Variants in SMC4 observed in about 807,000 individuals in gnomAD.
SMC4 encodes structural maintenance of chromosomes 4, also known as structural maintenance of chromosomes protein 4.
A neutral mutation model predicts 145.6 loss-of-function variants in SMC4; 87 were observed. The observed-to-expected ratio is 0.60, with a 90% CI of 0.50 to 0.71. The LOEUF is 0.71. SMC4 is among the 30% of genes least tolerant of loss of function. The probability of loss-of-function intolerance (pLI) is 0.00; values close to 1 mark genes in which losing one functional copy is unlikely to be tolerated. For missense variants in SMC4, 1,447 were observed against 1,537.1 expected, an observed-to-expected ratio of 0.94 and a Z score of 0.98; for synonymous variants, 558 against 500.7, an observed-to-expected ratio of 1.11 and a Z score of -1.53.
chr3:160,402,971 C>T (rs894405199), intron 4 of SMC4, 104 bp downstream of exon 4: 8 of 769,836 alleles, frequency 1.0e-5, no homozygotes, highest in Non-Finnish European at 1.6e-5. Flanking sequence ...GTAATTACAG[C>T]GGAAAGCATT....
chr3:160,415,445 T>C (rs62272237), intron 9 of SMC4, among the ~76,000 whole-genome samples: 6,949 of 152,322 alleles, frequency 0.046, 226 homozygotes, highest in Middle Eastern at 0.078. Flanking sequence ...TAAACAGATA[T>C]GATACCTTAA....
At chr3:160,433,368 A>G (rs566850043) in intron 23 of SMC4, 159 bp downstream of exon 23, 1 of 563,600 alleles carries the variant, frequency 1.8e-6, no homozygotes, top group East Asian at 3.0e-5. Flanking sequence ...ATTATTTTTT[A>G]TTTGAACCAA....
intron 11 of SMC4, 77 bp downstream of exon 11, chr3:160,418,033 G>T (rs1410253544): frequency 8.8e-7 from 1 of 1,140,670 alleles, no homozygotes. Context: ...TTTAATCTCC[G>T]CGTCAGAGGT....
chr3:160,399,703 T>C lies in SMC4; in HGVS notation c.-52T>C, dbSNP rs961785872. 1 of 152,542 alleles carries C rather than the reference T, an allele frequency of 6.6e-6. No homozygotes were observed. Among genetic ancestry groups the C allele is most frequent in the African/African-American group, 2.4e-5 (1 of 41,412 alleles). 9.4% of individuals were successfully genotyped at this position (152,542 alleles called of 1,614,324 possible). A position where few individuals can be genotyped will look rare whatever the true frequency, so the allele number is the denominator to read the frequency against. On this transcript the variant is annotated 5_prime_UTR_variant, in exon 1 of 24. Transcript: ENST00000357388. ...ACACCGGTAGGAGCGGGGAGGTGGG[T>C]ACTACACAACCGTCTCCAGCCTTGG...
intron 5 of SMC4, chr3:160,404,794 A>G (rs1715138145): frequency 1.8e-6 from 1 of 571,174 alleles, no homozygotes; most frequent in Admixed American, 1.9e-5. Flanking sequence ...TATATATTAA[A>G]CACCAATATT....
chr3:160,404,580 C>T (rs1037827415), intron 5 of SMC4, 76 bp downstream of exon 5: 3 of 1,445,984 alleles, frequency 2.1e-6, no homozygotes, highest in Admixed American at 1.7e-5. Context: ...TGGATGAATC[C>T]TACATTTTTG....
At chr3:160,418,925 ACCC>A (rs1345621176) in intron 11 of SMC4, among the ~76,000 whole-genome samples, 1 of 151,600 alleles carries the variant, frequency 6.6e-6, no homozygotes, top group African/African-American at 2.4e-5. Context: ...TTTCTCCAGT[ACCC>A]CCCAGCCCCG....
Position 160,419,529 on chromosome 3 carries a change from A to G in SMC4, c.1843A>G (p.Ile615Val), listed in dbSNP as rs61996334. 1,912 of 1,597,902 alleles carry G rather than the reference A, an allele frequency of 1.2e-3. 20 individuals carry two copies. The African/African-American group carries it at 0.022, about 19-fold the overall frequency. Residue 615 changes from isoleucine to valine, a missense_variant, in exon 12 of 24, where the codon ATA (isoleucine) becomes GTA (valine). Ile to Val is a conservative substitution (Grantham distance 29). Transcript: ENST00000357388. ...AAAAAAATCTGGCAGGATTCCAGGA[A>G]TATATGGAAGATTGGTAAAGTAGAT... The part of the protein sequence containing the change: ...QEKKSGRIPG[I>V]YGRLGDLGAI...
At position 160,400,804 on chromosome 3, in the gene SMC4, G is replaced by A; in HGVS notation, c.-5-18G>A. 1.3e-6 allele frequency: 2 copies of A among 1,503,974 alleles called. No individual in the cohort carries two copies. Among genetic ancestry groups the A allele is most frequent in the Non-Finnish European group, 1.8e-6 (2 of 1,136,550 alleles). The allele number at this position is 1,503,974 out of a possible 1,614,324, so 93.2% of individuals were successfully genotyped here. ...CGGCCCGCGGGCTGACTTGCTCCCG[G>A]CTGTCCCCCGGCCCCAGCGACCATG... is the stretch of plus-strand genomic sequence containing the variant. On this transcript the variant is annotated intron_variant, in intron 1 of 23. Coordinates refer to ENST00000357388, the MANE Select transcript of SMC4 (RefSeq NM_001002800.3).
In SMC4 at chr3:160,426,018, CAAT is replaced by C. The variant is rs1717751558; in HGVS notation, c.2479-55_2479-53del. On this transcript the variant is annotated intron_variant, in intron 16 of 23. Transcript: ENST00000357388. ...TTTAAGTGCCCTTTTTAAAAATTCACAATGTTTAAAGCAAATGTTAAAATATTG... is the reference window on the plus strand; with the variant it reads ...TTTAAGTGCCCTTTTTAAAAATTCACGTTTAAAGCAAATGTTAAAATATTG... 1.2e-5 allele frequency: 17 copies of C among 1,366,980 alleles called. No homozygotes were observed. In the South Asian group the frequency reaches 2.3e-4, roughly 19 times the overall value. 84.7% of individuals were successfully genotyped at this position (1,366,980 alleles called of 1,614,324 possible). A position where few individuals can be genotyped will look rare whatever the true frequency, so the allele number is the denominator to read the frequency against.
intron 23 of SMC4, 111 bp from the exon 24 acceptor site, chr3:160,433,546 C>T: frequency 1.5e-6 from 1 of 661,092 alleles, no homozygotes; most frequent in Non-Finnish European, 2.5e-6. Flanking sequence ...GCCATCATTC[C>T]TTTACATGTT....
At chr3:160,423,329 T>C in intron 13 of SMC4, 96 bp from the exon 14 acceptor site, 1 of 900,106 alleles carries the variant, frequency 1.1e-6, no homozygotes, top group Non-Finnish European at 1.7e-6. Flanking sequence ...TTGTTTCTTT[T>C]GTTGAATTTA....
At chr3:160,433,572 AT>A in intron 23 of SMC4, 84 bp from the exon 24 acceptor site, 1 of 788,562 alleles carries the variant, frequency 1.3e-6, no homozygotes, top group Non-Finnish European at 2.0e-6. Flanking sequence ...TGTAATGTTT[AT>A]TGTCCAAAAA....
At chr3:160,412,586 A>C (rs1008633334) in intron 7 of SMC4, 133 bp downstream of exon 7, 6 of 1,335,168 alleles carry the variant, frequency 4.5e-6, no homozygotes, top group East Asian at 6.5e-5. Context: ...GTGTGACTGA[A>C]TGTGTTAGCT....
rs114405661 is a variant in SMC4, at chr3:160,419,256, T to G, written c.1672-102T>G. 2,021 of 770,572 alleles carry G rather than the reference T, an allele frequency of 2.6e-3. 39 individuals carry two copies. The African/African-American group carries it at 0.031, about 12-fold the overall frequency. 47.7% of individuals were successfully genotyped at this position (770,572 alleles called of 1,614,324 possible). On this transcript the variant is annotated intron_variant, in intron 11 of 23. Coordinates refer to ENST00000357388, the MANE Select transcript of SMC4 (RefSeq NM_001002800.3). ...TGGTTCAAATTTTTATTGTTGGTCT[T>G]TCTTTCTTTATTGTTATTAAAGCAT...
rs1308156296 is a variant in SMC4 at position 160,416,284 on chromosome 3, A to T, written c.1306A>T (p.Asn436Tyr). The T allele has an allele frequency of 6.3e-7, 1 of 1,598,344 alleles. No homozygotes were observed. The highest frequency in any genetic ancestry group is 1.8e-5 in the Admixed American group (1 of 55,958). Residue 436 changes from asparagine to tyrosine, a missense_variant, in exon 10 of 24, where the codon AAC (asparagine) becomes TAC (tyrosine). By Grantham distance (143) the Asn-to-Tyr change is moderately radical. Transcript: ENST00000357388. ...EEFKSIPAKS[N>Y]NIINETTTRN... ...ATTTAAAAGTATACCTGCCAAGAGT[A>T]ACAATATCATTAATGAAACAACAAC...
At chr3:160,410,041 A>G (rs1715810669) in intron 5 of SMC4, among the ~76,000 whole-genome samples, 1 of 152,134 alleles carries the variant, frequency 6.6e-6, no homozygotes, top group Non-Finnish European at 1.5e-5. Context: ...ACACCACTGT[A>G]CTCCAGCTTA....
chr3:160,410,457 A>G (rs1715859947), intron 5 of SMC4, among the ~76,000 whole-genome samples: 1 of 152,208 alleles, frequency 6.6e-6, no homozygotes, highest in African/African-American at 2.4e-5. Context: ...TCTAAAACTT[A>G]AACTCTTGCT....
At chr3:160,407,303 AG>A (rs1244964089) in intron 5 of SMC4, among the ~76,000 whole-genome samples, 1 of 152,226 alleles carries the variant, frequency 6.6e-6, no homozygotes, top group African/African-American at 2.4e-5. Flanking sequence ...CTATAATCCC[AG>A]CACTTTGGAA....
Sources: gnomAD v4.1 joint callset for allele counts (sites outside exome capture counted in the v4.1 genomes callset) on GRCh38, gnomAD v4.1.1 for gene constraint, MANE v1.5 for transcripts, NCBI Gene and HGNC (gene_info 2026-07-23, HGNC 2026-07-21) for gene names.